Variants in OXR1 observed in about 807,000 individuals in gnomAD.
The protein encoded by OXR1 is oxidation resistance protein 1.
Under a neutral mutation model 104.6 loss-of-function variants are expected in OXR1, and 41 were observed. The observed-to-expected ratio is 0.39, with a 90% CI of 0.31 to 0.51. The LOEUF is 0.51. Ranked by LOEUF, OXR1 falls within the 20% of genes least tolerant of loss-of-function variation. OXR1 has a pLI of 0.77. For synonymous variants in OXR1, 348 were observed against 348.4 expected, an observed-to-expected ratio of 1.00 and a Z score of 0.01; for missense variants, 955 against 1,031.9, an observed-to-expected ratio of 0.93 and a Z score of 1.02.
At chr8:106,588,985 G>A (rs974165642) in intron 3 of OXR1, among the ~76,000 whole-genome samples, 8 of 152,292 alleles carry the variant, frequency 5.3e-5, no homozygotes, top group African/African-American at 1.4e-4. Flanking sequence ...TAACAAGAGC[G>A]ATGTCTGGTA....
intron 7 of OXR1, chr8:106,697,816 T>A (rs2627788): frequency 0.57 from 911,448 of 1,612,094 alleles, 260,572 homozygotes; most frequent in African/African-American, 0.77. Flanking sequence ...CAGTGCATTA[T>A]TGAGCTCACA....
chr8:106,389,385 C>G (rs2130438424), intron 2 of OXR1, among the ~76,000 whole-genome samples: 1 of 152,276 alleles, frequency 6.6e-6, no homozygotes, highest in Non-Finnish European at 1.5e-5. Context: ...TGAGGCATGT[C>G]TGTATTTGAC....
At chr8:106,652,856 C>A (rs1824715701) in intron 3 of OXR1, among the ~76,000 whole-genome samples, 1 of 151,256 alleles carries the variant, frequency 6.6e-6, no homozygotes, top group African/African-American at 2.4e-5. Context: ...CTGCAAGGAG[C>A]AACAAAATTG....
intron 3 of OXR1, among the ~76,000 whole-genome samples, chr8:106,581,580 T>C (rs1320060206): frequency 6.6e-6 from 1 of 152,162 alleles, no homozygotes; most frequent in East Asian, 1.9e-4. Context: ...AATTCCTGTT[T>C]CATTCATAGA....
intron 7 of OXR1, among the ~76,000 whole-genome samples, chr8:106,695,105 A>G (rs914423265): frequency 6.6e-6 from 1 of 150,542 alleles, no homozygotes; most frequent in Non-Finnish European, 1.5e-5. Flanking sequence ...TCTTATCGTA[A>G]CACCTCTTAT....
At chr8:106,296,643 G>C (rs535078799) in intron 1 of OXR1, among the ~76,000 whole-genome samples, 3 of 152,256 alleles carry the variant, frequency 2.0e-5, no homozygotes, top group African/African-American at 4.8e-5. Context: ...TCACCTGTTT[G>C]TGTTGATGAA....
At chr8:106,364,420 A>C (rs1286994216) in intron 2 of OXR1, among the ~76,000 whole-genome samples, 1 of 152,086 alleles carries the variant, frequency 6.6e-6, no homozygotes, top group Non-Finnish European at 1.5e-5. Flanking sequence ...TCTCTACTAA[A>C]AATACAAAAA....
At chr8:106,726,912 G>A (rs953568453) in intron 11 of OXR1, among the ~76,000 whole-genome samples, 1 of 152,082 alleles carries the variant, frequency 6.6e-6, no homozygotes, top group Non-Finnish European at 1.5e-5. Flanking sequence ...TGCTCTTTCT[G>A]TGGTAATTTG....
intron 2 of OXR1, among the ~76,000 whole-genome samples, chr8:106,515,347 C>T (rs759663250): frequency 1.8e-4 from 27 of 152,024 alleles, no homozygotes; most frequent in Non-Finnish European, 3.4e-4. Flanking sequence ...CAGCAGTTTT[C>T]GAAATACACT....
At chr8:106,484,690 G>A (rs1586703332) in intron 2 of OXR1, among the ~76,000 whole-genome samples, 1 of 151,902 alleles carries the variant, frequency 6.6e-6, no homozygotes, top group South Asian at 2.1e-4. Context: ...AAGGATGTGT[G>A]ACAACAGGAA....
intron 3 of OXR1, among the ~76,000 whole-genome samples, chr8:106,574,503 A>G (rs1817689874): frequency 6.6e-6 from 1 of 152,248 alleles, no homozygotes; most frequent in East Asian, 1.9e-4. Flanking sequence ...GGCCACACCT[A>G]GCACTAAGTA....
At chr8:106,697,611 C>T in intron 7 of OXR1, 1 of 1,613,184 alleles carries the variant, frequency 6.2e-7, no homozygotes, top group Non-Finnish European at 8.5e-7. Flanking sequence ...CTACTGCCAA[C>T]CCACCCAGAT....
intron 3 of OXR1, among the ~76,000 whole-genome samples, chr8:106,592,028 C>T (rs1819136088): frequency 6.6e-6 from 1 of 152,118 alleles, no homozygotes; most frequent in South Asian, 2.1e-4. Flanking sequence ...CTGTCTGTCA[C>T]CCAGATTATA....
chr8:106,319,207 T>G (rs1334185068), intron 1 of OXR1, among the ~76,000 whole-genome samples: 1 of 152,248 alleles, frequency 6.6e-6, no homozygotes, highest in African/African-American at 2.4e-5. Flanking sequence ...CGGGTTGGTG[T>G]CTATCTGAAA....
chr8:106,434,497 A>G (rs1819494990), intron 2 of OXR1, among the ~76,000 whole-genome samples: 1 of 152,184 alleles, frequency 6.6e-6, no homozygotes, highest in African/African-American at 2.4e-5. Context: ...GCTCTGAAGA[A>G]GCATACTTTA....
chr8:106,592,800 A>G (rs1819198547), intron 3 of OXR1, among the ~76,000 whole-genome samples: 1 of 152,202 alleles, frequency 6.6e-6, no homozygotes. Flanking sequence ...GAAGGATTTC[A>G]ATCAGAGCAC....
intron 6 of OXR1, among the ~76,000 whole-genome samples, chr8:106,691,650 ATATATT>A (rs1829298806): frequency 6.7e-6 from 1 of 149,246 alleles, no homozygotes; most frequent in Non-Finnish European, 1.5e-5. Context: ...ATACACACAC[ATATATT>A]TATATTTGTG....
chr8:106,323,424 G>A (rs1209988141), intron 1 of OXR1, among the ~76,000 whole-genome samples: 1 of 152,096 alleles, frequency 6.6e-6, no homozygotes, highest in African/African-American at 2.4e-5. Flanking sequence ...AGACAAACTA[G>A]GCAATACCTC....
intron 2 of OXR1, among the ~76,000 whole-genome samples, chr8:106,501,408 A>T (rs1301457693): frequency 6.6e-6 from 1 of 152,236 alleles, no homozygotes; most frequent in Non-Finnish European, 1.5e-5. Flanking sequence ...GGGATCTTGC[A>T]GAGTATGGTG....
Sources: gnomAD v4.1 joint callset for allele counts (sites outside exome capture counted in the v4.1 genomes callset) on GRCh38, gnomAD v4.1.1 for gene constraint, MANE v1.5 for transcripts, NCBI Gene and HGNC (gene_info 2026-07-23, HGNC 2026-07-21) for gene names.